GSG1L: variants seen among roughly 807,000 people sequenced by gnomAD.
GSG1L encodes GSG1 like, also known as germ cell-specific gene 1-like protein.
A neutral mutation model predicts 42.1 loss-of-function variants in GSG1L; 24 were observed. That is an observed-to-expected ratio of 0.57 (90% CI 0.41 to 0.80). The LOEUF is 0.80. Among genes scored for constraint, GSG1L ranks in the 30% least tolerant of loss-of-function variants. The pLI, the probability that GSG1L is intolerant of heterozygous loss-of-function variation, is 0.00. For synonymous variants in GSG1L, 215 were observed against 203.5 expected, an observed-to-expected ratio of 1.06 and a Z score of -0.48; for missense variants, 445 against 472.2, an observed-to-expected ratio of 0.94 and a Z score of 0.53.
At chr16:27,964,859 A>C (rs2141109801) in intron 1 of GSG1L, among the ~76,000 whole-genome samples, 1 of 152,262 alleles carries the variant, frequency 6.6e-6, no homozygotes, top group African/African-American at 2.4e-5. Context: ...AAGACCTACT[A>C]TTTGCTAGCA....
At chr16:27,818,120 G>T (rs573358626) in intron 5 of GSG1L, among the ~76,000 whole-genome samples, 9 of 152,320 alleles carry the variant, frequency 5.9e-5, no homozygotes, top group African/African-American at 2.2e-4. Context: ...CAGGTGAGGG[G>T]CTCAGCCCAG....
chr16:28,046,447 G>A (rs1234380136), intron 1 of GSG1L, among the ~76,000 whole-genome samples: 13 of 149,920 alleles, frequency 8.7e-5, no homozygotes, highest in Non-Finnish European at 1.5e-4. Context: ...TCCGCCTCCC[G>A]GGTTCAAGCG....
chr16:27,839,078 C>T (rs2083350564), intron 4 of GSG1L, among the ~76,000 whole-genome samples: 1 of 152,224 alleles, frequency 6.6e-6, no homozygotes, highest in African/African-American at 2.4e-5. Context: ...CAGCTAACCC[C>T]TCCAGAGAGC....
chr16:28,032,774 A>G (rs541595111), intron 1 of GSG1L, among the ~76,000 whole-genome samples: 5 of 151,988 alleles, frequency 3.3e-5, no homozygotes, highest in Non-Finnish European at 7.4e-5. Context: ...TCCACATCCA[A>G]TTTGTCAGCA....
intron 5 of GSG1L, among the ~76,000 whole-genome samples, chr16:27,814,580 G>T (rs1286503031): frequency 2.0e-5 from 3 of 151,970 alleles, no homozygotes; most frequent in Non-Finnish European, 4.4e-5. Flanking sequence ...AGCTACTCTG[G>T]AGGCTGAGGC....
At chr16:28,022,770 C>T (rs573624808) in intron 1 of GSG1L, among the ~76,000 whole-genome samples, 12 of 152,272 alleles carry the variant, frequency 7.9e-5, no homozygotes, top group African/African-American at 2.9e-4. Context: ...CAGGTTCAAG[C>T]GATTCTCCTG....
chr16:27,819,922 T>G (rs1039964590), intron 5 of GSG1L, among the ~76,000 whole-genome samples: 13 of 152,054 alleles, frequency 8.5e-5, no homozygotes, highest in Non-Finnish European at 1.9e-4. Context: ...AGGTAAGTCC[T>G]GTTGCAGCCA....
Position 27,839,331 on chromosome 16 carries a change from T to C in GSG1L, c.662+5619A>G, listed in dbSNP as rs2083353686. Among the ~76,000 whole-genome samples the C allele has an allele frequency of 2.0e-5, 3 of 152,212 alleles. No homozygotes were observed. The South Asian group carries it at 6.2e-4, about 32-fold the overall frequency. On this transcript the variant is annotated intron_variant, in intron 4 of 6. Transcript: ENST00000447459. ...ACTTCTCTGGGCCCTCCAGCTCTTATAAGCTTCCACACCACGATGTCCCAC... is the reference window on the plus strand; with the variant it reads ...ACTTCTCTGGGCCCTCCAGCTCTTACAAGCTTCCACACCACGATGTCCCAC...
chr16:27,936,757 A>G (rs1221115640), intron 2 of GSG1L, among the ~76,000 whole-genome samples: 1 of 152,236 alleles, frequency 6.6e-6, no homozygotes, highest in East Asian at 1.9e-4. Context: ...TTGGTACAAA[A>G]GTAATTGCAG....
rs574791177 is a variant in GSG1L, at chr16:28,034,073, C to A, written c.349+29003G>T. 3.3e-5 allele frequency among the ~76,000 whole-genome samples: 5 copies of A among 152,214 alleles called. No homozygotes were observed. In the East Asian group the frequency reaches 9.7e-4, roughly 29 times the overall value. On this transcript the variant is annotated intron_variant, in intron 1 of 6. Transcript: ENST00000447459. ...GGGACTCATCCCATCCCATCCCAAC[C>A]TATTCCATCCTGTCCCAACCCATCC...
At position 28,020,613 on chromosome 16, in the gene GSG1L, C is replaced by A. The variant is rs991907629; in HGVS notation, c.349+42463G>T. Among the ~76,000 whole-genome samples, 3 of 152,168 alleles carry A rather than the reference C, an allele frequency of 2.0e-5. 1 individual carries two copies. The highest frequency in any genetic ancestry group is 3.8e-4 in the East Asian group (2 of 5,196). ...TGAGCTTCATCTCCTGGTCTGCCTG[C>A]CCTTTTGCCGTCCTCTGTCACATTG... On this transcript the variant is annotated intron_variant, in intron 1 of 6. Transcript: ENST00000447459.
intron 1 of GSG1L, among the ~76,000 whole-genome samples, chr16:27,982,951 C>A (rs2085340648): frequency 6.6e-6 from 1 of 152,172 alleles, no homozygotes; most frequent in South Asian, 2.1e-4. Context: ...GGACAAATTA[C>A]CAAACCATAT....
intron 1 of GSG1L, among the ~76,000 whole-genome samples, chr16:28,019,298 G>A (rs1163252723): frequency 1.3e-5 from 2 of 152,268 alleles, no homozygotes; most frequent in East Asian, 1.9e-4. Flanking sequence ...GTGACCTCTG[G>A]TCATCCTCAC....
chr16:27,797,184 C>A (rs2082826668), intron 6 of GSG1L, among the ~76,000 whole-genome samples: 1 of 152,162 alleles, frequency 6.6e-6, no homozygotes, highest in African/African-American at 2.4e-5. Flanking sequence ...AAAGGTTGGG[C>A]TCTCATCAAC....
chr16:27,962,206 T>A lies in GSG1L; in HGVS notation c.397+950A>T, dbSNP rs183652401. Reference sequence around the variant, plus strand: ...TGTTCTTCCATAATAACAAAACTCCTGACTTTCAGCTAGGCACAGCATTGC... The same window carrying A: ...TGTTCTTCCATAATAACAAAACTCCAGACTTTCAGCTAGGCACAGCATTGC... On this transcript the variant is annotated intron_variant, in intron 2 of 6. Coordinates refer to ENST00000447459, the MANE Select transcript of GSG1L (RefSeq NM_001109763.2). Among the ~76,000 whole-genome samples the A allele has an allele frequency of 2.5e-4, 38 of 152,350 alleles. No individual in the cohort carries two copies. The East Asian group carries it at 7.1e-3, about 29-fold the overall frequency.
intron 2 of GSG1L, among the ~76,000 whole-genome samples, chr16:27,945,682 C>G (rs2084852607): frequency 6.6e-6 from 1 of 152,266 alleles, no homozygotes; most frequent in South Asian, 2.1e-4. Flanking sequence ...AGAGGGGGCT[C>G]CAGCCCTCTG....
intron 1 of GSG1L, among the ~76,000 whole-genome samples, chr16:28,029,354 T>C (rs955757124): frequency 3.3e-5 from 5 of 152,234 alleles, no homozygotes; most frequent in African/African-American, 1.2e-4. Context: ...ATCGTTTGTA[T>C]CATTCTGAAT....
intron 2 of GSG1L, among the ~76,000 whole-genome samples, chr16:27,909,436 C>T (rs183207360): frequency 1.5e-4 from 20 of 133,510 alleles, no homozygotes; most frequent in African/African-American, 4.4e-4. Context: ...TGAACTGCAG[C>T]GGTGTAGTGG....
intron 5 of GSG1L, among the ~76,000 whole-genome samples, chr16:27,822,312 A>G (rs190865945): frequency 6.6e-6 from 1 of 152,218 alleles, no homozygotes; most frequent in African/African-American, 2.4e-5. Flanking sequence ...CAGGCGTTCC[A>G]CAAGGGCTGA....
Sources: allele counts gnomAD v4.1 joint callset (sites outside exome capture counted in the v4.1 genomes callset), GRCh38; gene constraint gnomAD v4.1.1; transcripts MANE v1.5; gene names NCBI Gene and HGNC (gene_info 2026-07-23, HGNC 2026-07-21).